EYS: variants seen among roughly 807,000 people sequenced by gnomAD.
The protein encoded by EYS is EGF-like photoreceptor maintenance factor, also known as protein eyes shut homolog.
EYS carries 250 observed loss-of-function variants against 282.1 expected under a neutral mutation model. That is an observed-to-expected ratio of 0.89 (90% confidence interval 0.80 to 0.98). EYS has a LOEUF of 0.98. EYS is among the 50% of genes least tolerant of loss of function. The probability of loss-of-function intolerance (pLI) is 0.00; values close to 1 mark genes in which losing one functional copy is unlikely to be tolerated. For missense variants in EYS, 4,016 were observed against 3,709.0 expected (o/e 1.08, Z -2.15); for synonymous variants, 1,355 against 1,282.9 (o/e 1.06, Z -1.20).
chr6:65,347,617 T>A (rs1377060087), intron 9 of EYS, among the ~76,000 whole-genome samples: 1 of 151,604 alleles, frequency 6.6e-6, no homozygotes, highest in Non-Finnish European at 1.5e-5. Flanking sequence ...GGTGTATATA[T>A]TTATGGGTTA....
chr6:65,355,417 G>A (rs564960025), intron 8 of EYS, among the ~76,000 whole-genome samples: 4 of 151,990 alleles, frequency 2.6e-5, no homozygotes, highest in South Asian at 4.1e-4. Context: ...CCTAGGAAGA[G>A]AACTCATGAC....
At chr6:65,334,838 A>C (rs1769922055) in intron 11 of EYS, 142 bp downstream of exon 11, 7 of 672,154 alleles carry the variant, frequency 1.0e-5, no homozygotes, top group Middle Eastern at 4.1e-4. Flanking sequence ...ATAACTATAT[A>C]TGTATATGTA....
At chr6:65,582,770 C>T (rs1764913771) in intron 2 of EYS, among the ~76,000 whole-genome samples, 1 of 152,116 alleles carries the variant, frequency 6.6e-6, no homozygotes, top group Non-Finnish European at 1.5e-5. Flanking sequence ...TACTCCTGTA[C>T]AAACATGACA....
At chr6:63,733,042 C>T (rs1222629439) in intron 41 of EYS, among the ~76,000 whole-genome samples, 1 of 151,914 alleles carries the variant, frequency 6.6e-6, no homozygotes, top group Non-Finnish European at 1.5e-5. Context: ...AAGAATTGGG[C>T]CAAGTGGCTC....
At chr6:64,145,530 C>G (rs1249179147) in intron 31 of EYS, among the ~76,000 whole-genome samples, 2 of 152,150 alleles carry the variant, frequency 1.3e-5, no homozygotes, top group African/African-American at 4.8e-5. Context: ...TAGTTTCACA[C>G]CCATATATGA....
In EYS at chr6:64,590,619, A is replaced by G. The variant is rs937879931; in HGVS notation, c.5248T>C (p.Leu1750=). Residue 1750 remains leucine (L), a synonymous_variant, in exon 26 of 43, where the codon TTA becomes CTA. Coordinates refer to ENST00000503581, the MANE Select transcript of EYS (RefSeq NM_001142800.2). ...AAAGTAACATCCGGATAAATTTGTAAGTTTAACTCAAAATCCAGAGAACTA... is the reference window on the plus strand; with the variant it reads ...AAAGTAACATCCGGATAAATTTGTAGGTTTAACTCAAAATCCAGAGAACTA... ...SDSSLDFELN[L]QIYPDVTLKT... is the part of the protein sequence containing the mutation. 6.4e-7 allele frequency: 1 copy of G among 1,551,176 alleles called. No individual in the cohort carries two copies. Among genetic ancestry groups the G allele is most frequent in the African/African-American group, 1.4e-5 (1 of 73,020 alleles).
At chr6:64,610,308 A>G (rs138779207) in intron 24 of EYS, among the ~76,000 whole-genome samples, 223 of 152,280 alleles carry the variant, frequency 1.5e-3, no homozygotes, top group African/African-American at 5.1e-3. Flanking sequence ...TAAAGATGAA[A>G]GGTGGGCATT....
intron 18 of EYS, among the ~76,000 whole-genome samples, chr6:64,893,605 TGATTTTTAATCTGTGAAA>T (rs766615320): frequency 6.6e-6 from 1 of 152,042 alleles, no homozygotes; most frequent in Non-Finnish European, 1.5e-5. Flanking sequence ...AGCTGCTAAT[TGATTTTTAATCTGTGAAA>T]GATTTTAATT....
intron 35 of EYS, among the ~76,000 whole-genome samples, chr6:63,917,988 G>A (rs1043556157): frequency 6.6e-6 from 1 of 152,190 alleles, no homozygotes; most frequent in African/African-American, 2.4e-5. Flanking sequence ...GCCTTGTTTT[G>A]TATATTGTTC....
chr6:63,786,374 C>T (rs1192936257), intron 39 of EYS, among the ~76,000 whole-genome samples: 2 of 151,940 alleles, frequency 1.3e-5, no homozygotes, highest in Non-Finnish European at 2.9e-5. Context: ...ATTTGCTTTG[C>T]TTCGTTATGA....
chr6:64,068,134 C>T (rs1419878542), intron 32 of EYS, among the ~76,000 whole-genome samples: 1 of 152,080 alleles, frequency 6.6e-6, no homozygotes, highest in African/African-American at 2.4e-5. Context: ...CCAGCTGATC[C>T]ATAGCCTTAT....
Position 63,724,962 on chromosome 6 carries a change from C to G in EYS, c.8233+1557G>C, listed in dbSNP as rs552332537. ...CTTAGAGAAGGTACAAAGTACAGGACTGTCAGCTGCATTTTCTGCAACCTT... is the reference window on the plus strand; with the variant it reads ...CTTAGAGAAGGTACAAAGTACAGGAGTGTCAGCTGCATTTTCTGCAACCTT... On this transcript the variant is annotated intron_variant, in intron 42 of 42. Transcript: ENST00000503581. Among the ~76,000 whole-genome samples, 155 of 152,196 alleles carry G rather than the reference C, an allele frequency of 1.0e-3. 1 individual carries two copies. Among genetic ancestry groups the G allele is most frequent in the African/African-American group, 3.4e-3 (141 of 41,548 alleles).
chr6:64,551,321 A>G (rs1227972603), intron 26 of EYS, among the ~76,000 whole-genome samples: 6 of 151,718 alleles, frequency 4.0e-5, no homozygotes, highest in Non-Finnish European at 7.4e-5. Flanking sequence ...TGTCAGAGGA[A>G]TCCAACAACC....
At position 64,262,155 on chromosome 6, in the gene EYS, A is replaced by G. The variant is rs77711081; in HGVS notation, c.6192-31331T>C. 2.7e-3 allele frequency among the ~76,000 whole-genome samples: 404 copies of G among 152,158 alleles called. 1 individual carries two copies. The highest frequency in any genetic ancestry group is 9.3e-3 in the African/African-American group (385 of 41,546). On this transcript the variant is annotated intron_variant, in intron 30 of 42. Transcript: ENST00000503581. ...CTAACAATGTGCCCATGACATGTGC[A>G]TTTATTTCAGAAGTGATTTTGTCAT... is the stretch of plus-strand genomic sequence containing the variant.
chr6:64,186,504 G>A (rs9344836), intron 31 of EYS, among the ~76,000 whole-genome samples: 46,446 of 151,898 alleles, frequency 0.31, 7,168 homozygotes, highest in East Asian at 0.5. Context: ...CCTAATTCAT[G>A]TTTTCAGATA....
intron 29 of EYS, among the ~76,000 whole-genome samples, chr6:64,371,912 G>A (rs612568): frequency 0.72 from 109,012 of 151,888 alleles, 39,311 homozygotes; most frequent in African/African-American, 0.79. Flanking sequence ...GTGTCACTGC[G>A]TGTGAGATTG....
chr6:63,790,507 T>C (rs1230603903), intron 37 of EYS, among the ~76,000 whole-genome samples: 1 of 152,238 alleles, frequency 6.6e-6, no homozygotes, highest in Non-Finnish European at 1.5e-5. Flanking sequence ...TGACCTACCA[T>C]AGACCGAGTA....
intron 19 of EYS, among the ~76,000 whole-genome samples, chr6:64,864,855 G>A (rs980012199): frequency 8.6e-5 from 13 of 151,642 alleles, no homozygotes; most frequent in Admixed American, 8.5e-4. Context: ...GGCCAACATG[G>A]TGAAACCCCG....
intron 26 of EYS, among the ~76,000 whole-genome samples, chr6:64,521,080 C>G (rs575990888): frequency 1.3e-5 from 2 of 151,858 alleles, no homozygotes; most frequent in East Asian, 1.9e-4. Flanking sequence ...ACAGGAATAG[C>G]CTGATTAGTT....
Sources: gnomAD v4.1 joint callset for allele counts (sites outside exome capture counted in the v4.1 genomes callset) on GRCh38, gnomAD v4.1.1 for gene constraint, MANE v1.5 for transcripts, NCBI Gene and HGNC (gene_info 2026-07-23, HGNC 2026-07-21) for gene names.